UGGT2: variants seen among roughly 807,000 people sequenced by gnomAD.
UGGT2 encodes UDP-glucose:glycoprotein glucosyltransferase 2.
Under a neutral mutation model 192.1 loss-of-function variants are expected in UGGT2, and 180 were observed. That is an observed-to-expected ratio of 0.94 (90% CI 0.83 to 1.06). UGGT2 has a LOEUF of 1.06. Ranked by LOEUF, UGGT2 falls within the 50% of genes least tolerant of loss-of-function variation. UGGT2 has a pLI of 0.00. For missense variants in UGGT2, 1,849 were observed against 1,795.7 expected, an observed-to-expected ratio of 1.03 and a Z score of -0.54; for synonymous variants, 580 against 591.0, an observed-to-expected ratio of 0.98 and a Z score of 0.27.
intron 12 of UGGT2, among the ~76,000 whole-genome samples, chr13:95,955,707 C>T (rs1396416408): frequency 6.6e-6 from 1 of 152,144 alleles, no homozygotes; most frequent in East Asian, 1.9e-4. Context: ...AGGGTCAAGC[C>T]TCCCTAAGTT....
intron 24 of UGGT2, among the ~76,000 whole-genome samples, chr13:95,893,204 T>G (rs1348038288): frequency 6.6e-6 from 1 of 152,150 alleles, no homozygotes; most frequent in East Asian, 1.9e-4. Flanking sequence ...ATTTAAATTT[T>G]AAAAGTTGGA....
chr13:95,994,101 A>G (rs553305173), intron 7 of UGGT2, among the ~76,000 whole-genome samples: 2 of 152,266 alleles, frequency 1.3e-5, no homozygotes, highest in East Asian at 3.9e-4. Context: ...CTAAAGGTCC[A>G]ATATTATCAA....
chr13:95,902,022 C>T (rs1321292849), intron 21 of UGGT2, among the ~76,000 whole-genome samples: 2 of 152,172 alleles, frequency 1.3e-5, no homozygotes, highest in African/African-American at 4.8e-5. Context: ...TGAATGCTCC[C>T]TCTCAGTCAT....
intron 38 of UGGT2, among the ~76,000 whole-genome samples, chr13:95,828,814 A>G (rs1594090414): frequency 6.6e-6 from 1 of 152,102 alleles, no homozygotes; most frequent in Non-Finnish European, 1.5e-5. Context: ...CCCTAACTCA[A>G]TTTATGAGGA....
chr13:95,970,413 G>C, intron 11 of UGGT2, 151 bp from the exon 12 acceptor site: 1 of 651,436 alleles, frequency 1.5e-6, no homozygotes, highest in Non-Finnish European at 2.6e-6. Context: ...TAAGAAATAA[G>C]GCAAATAGTT....
chr13:95,841,225 C>T (rs775243578), intron 36 of UGGT2, among the ~76,000 whole-genome samples: 6 of 152,114 alleles, frequency 3.9e-5, no homozygotes, highest in Non-Finnish European at 8.8e-5. Context: ...ATAAAAAACA[C>T]GGAAAATAAA....
intron 12 of UGGT2, among the ~76,000 whole-genome samples, 168 bp from the exon 13 acceptor site, chr13:95,949,622 T>C (rs2140615778): frequency 6.6e-6 from 1 of 152,350 alleles, no homozygotes; most frequent in Admixed American, 6.5e-5. Flanking sequence ...ATACATTATG[T>C]GCAACAATTT....
intron 32 of UGGT2, among the ~76,000 whole-genome samples, chr13:95,860,353 TTG>T (rs1321971725): frequency 1.3e-5 from 2 of 148,744 alleles, no homozygotes; most frequent in Admixed American, 1.3e-4. Context: ...AATATATATA[TTG>T]TGAGTATATC....
intron 2 of UGGT2, 117 bp from the exon 3 acceptor site, chr13:96,023,876 G>T: frequency 1.3e-6 from 1 of 784,016 alleles, no homozygotes; most frequent in Non-Finnish European, 1.8e-6. Flanking sequence ...TTTGGTTATG[G>T]ATAATGCTAG....
At chr13:95,915,233 C>G (rs912673151) in intron 20 of UGGT2, among the ~76,000 whole-genome samples, 3 of 152,176 alleles carry the variant, frequency 2.0e-5, no homozygotes, top group African/African-American at 7.2e-5. Flanking sequence ...ATGTCATCTT[C>G]TCAATGAGGC....
chr13:95,999,673 A>G (rs749098913), intron 5 of UGGT2, among the ~76,000 whole-genome samples: 4 of 152,200 alleles, frequency 2.6e-5, no homozygotes, highest in Non-Finnish European at 5.9e-5. Flanking sequence ...GGGACCCCCA[A>G]AAGATTTGCT....
chr13:95,999,305 T>A lies in UGGT2; in HGVS notation c.663A>T (p.Lys221Asn), dbSNP rs538261686. The change falls in exon 6 of 39, where the codon AAA becomes AAT. Residue 221 changes from lysine to asparagine, a missense_variant and splice_region_variant. By Grantham distance (94) the Lys-to-Asn change is moderately conservative. Transcript: ENST00000376747. The stretch of plus-strand genomic sequence containing the variant: ...ATAAGTACATTTTCCGTGAGCTTGG[T>A]TTCTGTTCAAACACATTTATTTTAT... ...ILYVLRHYIQ[K>N]PSSRKMYLSG... 6.2e-7 allele frequency: 1 copy of A among 1,613,342 alleles called. No individual in the cohort carries two copies. The highest frequency in any genetic ancestry group is 1.7e-5 in the Admixed American group (1 of 60,012).
At chr13:96,013,243 C>A in intron 5 of UGGT2, 64 bp downstream of exon 5, 3 of 1,437,098 alleles carry the variant, frequency 2.1e-6, no homozygotes, top group Non-Finnish European at 2.8e-6. Context: ...TCTAGTAAGA[C>A]GATTATCATA....
chr13:95,916,871 C>T (rs1398347386), intron 20 of UGGT2, among the ~76,000 whole-genome samples: 2 of 151,728 alleles, frequency 1.3e-5, no homozygotes, highest in Non-Finnish European at 2.9e-5. Context: ...TGAAAAGGAA[C>T]AAACAAAACC....
chr13:95,874,091 G>A (rs560715531), intron 29 of UGGT2, among the ~76,000 whole-genome samples: 40 of 152,082 alleles, frequency 2.6e-4, no homozygotes, highest in Admixed American at 5.9e-4. Flanking sequence ...TTGTTCAACC[G>A]CTTATCTCCA....
At chr13:95,855,106 T>TAAA (rs10713359) in intron 34 of UGGT2, among the ~76,000 whole-genome samples, 13 of 49,958 alleles carry the variant, frequency 2.6e-4, no homozygotes, top group African/African-American at 3.5e-4. Flanking sequence ...ACCCTGTCTG[T>TAAA]AAAAAAAAAA....
Position 95,874,336 on chromosome 13 carries a change from A to G in UGGT2, c.3473+2943T>C, listed in dbSNP as rs149807343. Among the ~76,000 whole-genome samples the G allele has an allele frequency of 6.2e-3, 939 of 152,264 alleles. 19 individuals carry two copies. Among genetic ancestry groups the G allele is most frequent in the Non-Finnish European group, 4.3e-3 (295 of 68,022 alleles). The stretch of plus-strand genomic sequence containing the variant: ...ACATACATGTCTATGATAAGGTTTA[A>G]TTTAAAGTTAGGCACAATACTCTTG... On this transcript the variant is annotated intron_variant, in intron 29 of 38. Coordinates refer to ENST00000376747, the MANE Select transcript of UGGT2 (RefSeq NM_020121.4).
intron 11 of UGGT2, 33 bp from the exon 12 acceptor site, chr13:95,970,295 G>C (rs1251226454): frequency 2.6e-6 from 4 of 1,551,054 alleles, no homozygotes; most frequent in East Asian, 2.3e-5. Flanking sequence ...GTTTTATTTT[G>C]ATTTTCCAAA....
intron 15 of UGGT2, among the ~76,000 whole-genome samples, chr13:95,943,405 C>G (rs1295312012): frequency 2.6e-5 from 4 of 151,908 alleles, no homozygotes; most frequent in Admixed American, 6.6e-5. Context: ...GACCTTCCCC[C>G]CAGCCCCCAG....
Sources: allele counts gnomAD v4.1 joint callset (sites outside exome capture counted in the v4.1 genomes callset), GRCh38; gene constraint gnomAD v4.1.1; transcripts MANE v1.5; gene names NCBI Gene and HGNC (gene_info 2026-07-23, HGNC 2026-07-21).